Variants in PHF20L1 observed in about 807,000 individuals in gnomAD.
The protein encoded by PHF20L1 is PHD finger protein 20-like protein 1.
In PHF20L1, 44 loss-of-function variants were observed where a neutral mutation model predicts 125.5. The ratio of observed to expected loss-of-function variants is 0.35; its 90% CI spans 0.28 to 0.45. The LOEUF (loss-of-function observed/expected upper bound fraction) is 0.45. Ranked by LOEUF, PHF20L1 falls within the 20% of genes least tolerant of loss-of-function variation. The pLI is 1.00. For synonymous variants in PHF20L1, 380 were observed against 403.1 expected (o/e 0.94, Z 0.69); for missense variants, 1,012 against 1,217.2 (o/e 0.83, Z 2.51).
intron 12 of PHF20L1, among the ~76,000 whole-genome samples, chr8:132,821,168 T>A (rs1835554219): frequency 6.6e-6 from 1 of 151,916 alleles, no homozygotes; most frequent in Non-Finnish European, 1.5e-5. Flanking sequence ...TCATTCAAAG[T>A]CATCTTAGTT....
chr8:132,845,483 ATGTT>A (rs1223770779), intron 20 of PHF20L1, among the ~76,000 whole-genome samples: 1 of 152,028 alleles, frequency 6.6e-6, no homozygotes, highest in African/African-American at 2.4e-5. Context: ...GTGTGTGTAT[ATGTT>A]TATGTGTGTG....
At chr8:132,830,911 T>C (rs1836702130) in intron 14 of PHF20L1, among the ~76,000 whole-genome samples, 1 of 152,074 alleles carries the variant, frequency 6.6e-6, no homozygotes, top group Admixed American at 6.6e-5. Flanking sequence ...GTTGCCTTGT[T>C]GCTCACGCAT....
At chr8:132,780,439 A>G (rs1016886200) in intron 2 of PHF20L1, among the ~76,000 whole-genome samples, 10 of 152,214 alleles carry the variant, frequency 6.6e-5, no homozygotes, top group African/African-American at 2.2e-4. Flanking sequence ...GAATTATTTG[A>G]CAAGAAACTG....
At position 132,839,491 on chromosome 8, in the gene PHF20L1, A is replaced by G. The variant is rs768184575; in HGVS notation, c.2296A>G (p.Lys766Glu). 4 of 1,613,108 alleles carry G rather than the reference A, an allele frequency of 2.5e-6. No individual in the cohort carries two copies. In the Admixed American group the frequency reaches 6.7e-5, roughly 27 times the overall value. ...FKENYSHLNA[K>E]KIVSTHHLLA... Reference sequence around the variant, plus strand: ...AGAAAATTATTCTCATCTCAATGCCAAAAAGATAGTTTCTACACATCACCT... The same window carrying G: ...AGAAAATTATTCTCATCTCAATGCCGAAAAGATAGTTTCTACACATCACCT... Residue 766 changes from lysine (K) to glutamate (E), a missense_variant, in exon 18 of 21, where the codon AAA becomes GAA. Coordinates refer to ENST00000395386, the MANE Select transcript of PHF20L1 (RefSeq NM_016018.5).
At chr8:132,832,573 G>A (rs1836889306) in intron 15 of PHF20L1, among the ~76,000 whole-genome samples, 174 bp downstream of exon 15, 1 of 152,040 alleles carries the variant, frequency 6.6e-6, no homozygotes, top group Non-Finnish European at 1.5e-5. Context: ...AGTTAAATTG[G>A]CTTTATACTT....
rs1587006144 is a variant in PHF20L1, at chr8:132,824,184, T to C, written c.1636+124T>C. ...AGGTGTAAGTGATCATCTGTTTTAGTTCCTACTAGTGTTAGTCAGCTCCAG... is the reference window on the plus strand; with the variant it reads ...AGGTGTAAGTGATCATCTGTTTTAGCTCCTACTAGTGTTAGTCAGCTCCAG... On this transcript the variant is annotated intron_variant, in intron 13 of 20. Coordinates refer to ENST00000395386, the MANE Select transcript of PHF20L1 (RefSeq NM_016018.5). 9.9e-6 allele frequency: 6 copies of C among 606,174 alleles called. No individual in the cohort carries two copies. The East Asian group carries it at 1.8e-4, about 18-fold the overall frequency. 37.5% of individuals were successfully genotyped at this position (606,174 alleles called of 1,614,324 possible).
chr8:132,823,084 G>A (rs1201286420), intron 12 of PHF20L1, among the ~76,000 whole-genome samples: 4 of 151,738 alleles, frequency 2.6e-5, no homozygotes, highest in African/African-American at 7.3e-5. Context: ...AATGAATTTT[G>A]GACTATTAAT....
At chr8:132,795,316 A>G (rs1426854207) in intron 4 of PHF20L1, among the ~76,000 whole-genome samples, 1 of 152,100 alleles carries the variant, frequency 6.6e-6, no homozygotes, top group East Asian at 1.9e-4. Context: ...CAGATAATTG[A>G]GTTAATTTTC....
intron 2 of PHF20L1, among the ~76,000 whole-genome samples, chr8:132,786,750 A>G (rs1831079565): frequency 6.6e-6 from 1 of 152,118 alleles, no homozygotes. Context: ...CAATATTAGT[A>G]CTTCATTTAA....
At chr8:132,793,332 G>A (rs1018452296) in intron 2 of PHF20L1, among the ~76,000 whole-genome samples, 6 of 152,096 alleles carry the variant, frequency 3.9e-5, no homozygotes, top group Non-Finnish European at 8.8e-5. Context: ...AAGCTCTACC[G>A]GAGAATGATC....
At chr8:132,828,344 AAG>A (rs989576490) in intron 14 of PHF20L1, among the ~76,000 whole-genome samples, 3 of 152,142 alleles carry the variant, frequency 2.0e-5, no homozygotes, top group Non-Finnish European at 2.9e-5. Context: ...GAGAGTGAGA[AAG>A]AGAGCTCTCC....
chr8:132,783,438 TACTTGTTAATTTAA>T (rs1453066601), intron 2 of PHF20L1, among the ~76,000 whole-genome samples: 3 of 152,176 alleles, frequency 2.0e-5, no homozygotes, highest in Non-Finnish European at 4.4e-5. Context: ...CAAGTACAAA[TACTTGTTAATTTAA>T]ATAAAATTAT....
chr8:132,787,932 T>C (rs1831240204), intron 2 of PHF20L1, among the ~76,000 whole-genome samples: 2 of 152,134 alleles, frequency 1.3e-5, no homozygotes, highest in Non-Finnish European at 2.9e-5. Context: ...AGACAGCTCT[T>C]ACCCTTCTAT....
chr8:132,788,784 G>A lies in PHF20L1; in HGVS notation c.84-5626G>A, dbSNP rs1831345522. 2.0e-5 allele frequency: 3 copies of A among 151,962 alleles called. No individual in the cohort carries two copies. The South Asian group carries it at 6.2e-4, about 31-fold the overall frequency. 9.4% of individuals were successfully genotyped at this position (151,962 alleles called of 1,614,324 possible). ...CTGGCATAGCTGCATGCCCACCATT[G>A]CTTCCCTCTTTTATCCTAGGATAAT... On this transcript the variant is annotated intron_variant, in intron 2 of 20. Coordinates refer to ENST00000395386, the MANE Select transcript of PHF20L1 (RefSeq NM_016018.5).
intron 19 of PHF20L1, chr8:132,843,638 T>TGTGA (rs1838160416): frequency 1.0e-6 from 1 of 984,204 alleles, no homozygotes; most frequent in Non-Finnish European, 1.2e-6. Flanking sequence ...TGTGTGTGTG[T>TGTGA]GAAGCAGTTT....
chr8:132,819,616 A>T (rs549888413), intron 12 of PHF20L1, among the ~76,000 whole-genome samples: 51 of 151,610 alleles, frequency 3.4e-4, no homozygotes, highest in Non-Finnish European at 5.9e-4. Context: ...AGTATTTGTT[A>T]TGCTTCTGTC....
intron 14 of PHF20L1, among the ~76,000 whole-genome samples, chr8:132,827,869 A>G (rs1836362220): frequency 6.6e-6 from 1 of 152,100 alleles, no homozygotes; most frequent in Non-Finnish European, 1.5e-5. Flanking sequence ...ATAGAGTCCT[A>G]GTAAGATGCA....
intron 6 of PHF20L1, among the ~76,000 whole-genome samples, chr8:132,802,572 C>T (rs1408547807): frequency 6.6e-6 from 1 of 151,610 alleles, no homozygotes; most frequent in African/African-American, 2.4e-5. Context: ...CAGTTGCGGT[C>T]GCTTGAATGC....
rs1361155839 is a variant in PHF20L1, at chr8:132,805,410, C to G, written c.847+670C>G. ...GGGGATTGAAGGATTAGAATTGGGG[C>G]CAGTCATACTACATCCTGCCATTTC... On this transcript the variant is annotated intron_variant, in intron 8 of 20. Transcript: ENST00000395386. Among the ~76,000 whole-genome samples, 3 of 151,864 alleles carry G rather than the reference C, an allele frequency of 2.0e-5. No homozygotes were observed. In the East Asian group the frequency reaches 5.8e-4, roughly 29 times the overall value.
Sources: allele counts gnomAD v4.1 joint callset (sites outside exome capture counted in the v4.1 genomes callset), GRCh38; gene constraint gnomAD v4.1.1; transcripts MANE v1.5; gene names NCBI Gene and HGNC (gene_info 2026-07-23, HGNC 2026-07-21).